Variants in GRXCR1 observed in about 807,000 individuals in gnomAD.
The protein encoded by GRXCR1 is glutaredoxin domain-containing cysteine-rich protein 1.
In GRXCR1, 27 loss-of-function variants were observed where a neutral mutation model predicts 27.3. The ratio of observed to expected loss-of-function variants is 0.99; its 90% CI spans 0.73 to 1.37. GRXCR1 has a LOEUF of 1.37. Ranked by LOEUF, GRXCR1 falls within the 40% of genes most tolerant of loss-of-function variation. The pLI, the probability that GRXCR1 is intolerant of heterozygous loss-of-function variation, is 0.00. For missense variants in GRXCR1, 379 were observed against 354.4 expected, an observed-to-expected ratio of 1.07 and a Z score of -0.56; for synonymous variants, 122 against 131.1, an observed-to-expected ratio of 0.93 and a Z score of 0.47.
rs758244010 is a variant in GRXCR1 at position 43,004,458 on chromosome 4, A to G, written c.628-15896A>G. 3.3e-5 allele frequency among the ~76,000 whole-genome samples: 5 copies of G among 152,140 alleles called. No individual in the cohort carries two copies. In the South Asian group the frequency reaches 8.3e-4, roughly 25 times the overall value. On this transcript the variant is annotated intron_variant, in intron 2 of 3. Coordinates refer to ENST00000399770, the MANE Select transcript of GRXCR1 (RefSeq NM_001080476.3). ...AGGCCACCATCTTCCAGACCTCAAA[A>G]TGGTAGATCCACTGACAGCATGCAT...
chr4:42,908,882 T>A (rs1021605613), intron 1 of GRXCR1, among the ~76,000 whole-genome samples: 3 of 152,096 alleles, frequency 2.0e-5, no homozygotes, highest in Non-Finnish European at 4.4e-5. Context: ...CCTGTGGGAA[T>A]TGGCAGTGGT....
intron 1 of GRXCR1, among the ~76,000 whole-genome samples, chr4:42,905,002 G>T (rs1746553636): frequency 6.6e-6 from 1 of 152,068 alleles, no homozygotes; most frequent in Non-Finnish European, 1.5e-5. Flanking sequence ...TCCGTAAAAG[G>T]CATCTTGGTA....
Position 42,971,349 on chromosome 4 carries a change from T to C in GRXCR1, c.627+8215T>C, listed in dbSNP as rs1014549486. Among the ~76,000 whole-genome samples, 4 of 152,164 alleles carry C rather than the reference T, an allele frequency of 2.6e-5. No homozygotes were observed. The East Asian group carries it at 7.7e-4, about 29-fold the overall frequency. On this transcript the variant is annotated intron_variant, in intron 2 of 3. Coordinates refer to ENST00000399770, the MANE Select transcript of GRXCR1 (RefSeq NM_001080476.3). The stretch of plus-strand genomic sequence containing the variant: ...ATATATGTTTATAGCAATGCTCCAC[T>C]ACCAGTACCAATTTCCTGTATTAGT...
At chr4:42,965,778 C>G (rs1450059014) in intron 2 of GRXCR1, among the ~76,000 whole-genome samples, 1 of 151,930 alleles carries the variant, frequency 6.6e-6, no homozygotes. Context: ...ATGAGGTAGA[C>G]AGAGGCAGAA....
At chr4:42,961,570 T>C (rs1748130321) in intron 1 of GRXCR1, among the ~76,000 whole-genome samples, 1 of 152,018 alleles carries the variant, frequency 6.6e-6, no homozygotes, top group Admixed American at 6.6e-5. Flanking sequence ...TTCCCTAGTA[T>C]TTCTTTTACT....
chr4:42,973,427 G>C (rs1405254166), intron 2 of GRXCR1, among the ~76,000 whole-genome samples: 1 of 151,174 alleles, frequency 6.6e-6, no homozygotes, highest in African/African-American at 2.4e-5. Context: ...CACTTTCACA[G>C]CTCTAATCTT....
At chr4:42,982,814 GA>G (rs1171857508) in intron 2 of GRXCR1, among the ~76,000 whole-genome samples, 1 of 150,564 alleles carries the variant, frequency 6.6e-6, no homozygotes, top group Non-Finnish European at 1.5e-5. Flanking sequence ...CAGTGATGAT[GA>G]GCATTTTTTC....
intron 1 of GRXCR1, among the ~76,000 whole-genome samples, chr4:42,948,850 C>T (rs890974665): frequency 1.3e-5 from 2 of 152,108 alleles, no homozygotes; most frequent in Admixed American, 6.5e-5. Context: ...CTTTAGCAGC[C>T]GGCAAAGGCA....
intron 1 of GRXCR1, among the ~76,000 whole-genome samples, chr4:42,949,040 C>T (rs1319705896): frequency 2.6e-5 from 4 of 152,244 alleles, no homozygotes; most frequent in African/African-American, 4.8e-5. Flanking sequence ...AACCAATACA[C>T]TATTTTTAAT....
rs144483099 is a variant in GRXCR1 at position 43,015,126 on chromosome 4, A to G, written c.628-5228A>G. ...GTGTAAAGGCATAAAATCTCATGCA[A>G]GGACCTAGGATGTCCAGGAGAAGGA... On this transcript the variant is annotated intron_variant, in intron 2 of 3. Transcript: ENST00000399770. 3.1e-4 allele frequency among the ~76,000 whole-genome samples: 47 copies of G among 152,324 alleles called. No individual in the cohort carries two copies. In the East Asian group the frequency reaches 8.1e-3, roughly 26 times the overall value.
intron 1 of GRXCR1, among the ~76,000 whole-genome samples, chr4:42,921,866 C>T (rs935845809): frequency 6.6e-6 from 1 of 152,130 alleles, no homozygotes; most frequent in East Asian, 1.9e-4. Context: ...CTGGAACATG[C>T]TGCCCACCTT....
chr4:43,016,279 G>A (rs1475077858), intron 2 of GRXCR1, among the ~76,000 whole-genome samples: 1 of 152,120 alleles, frequency 6.6e-6, no homozygotes, highest in South Asian at 2.1e-4. Flanking sequence ...CTTGAATGGA[G>A]GGAAATGGTG....
At chr4:42,927,498 T>C (rs1747187446) in intron 1 of GRXCR1, among the ~76,000 whole-genome samples, 1 of 151,970 alleles carries the variant, frequency 6.6e-6, no homozygotes, top group Non-Finnish European at 1.5e-5. Context: ...TACGAAATGT[T>C]TAAAATGCTA....
At chr4:42,915,394 T>G (rs1746862700) in intron 1 of GRXCR1, among the ~76,000 whole-genome samples, 1 of 152,224 alleles carries the variant, frequency 6.6e-6, no homozygotes, top group Non-Finnish European at 1.5e-5. Flanking sequence ...CTCATTTTCT[T>G]CACAGATTTG....
rs1019361655 is a variant in GRXCR1, at chr4:42,917,972, A to T, written c.384+24322A>T. ...TCTGTGTATAAAGTGGTTTGGAATC[A>T]GTTTCATATGAAACTGATTATATAT... On this transcript the variant is annotated intron_variant, in intron 1 of 3. Coordinates refer to ENST00000399770, the MANE Select transcript of GRXCR1 (RefSeq NM_001080476.3). Among the ~76,000 whole-genome samples the T allele has an allele frequency of 2.0e-5, 3 of 152,296 alleles. No individual in the cohort carries two copies. In the East Asian group the frequency reaches 5.8e-4, roughly 29 times the overall value.
chr4:43,017,712 T>C (rs951956915), intron 2 of GRXCR1, among the ~76,000 whole-genome samples: 1 of 152,142 alleles, frequency 6.6e-6, no homozygotes, highest in Non-Finnish European at 1.5e-5. Flanking sequence ...TAGCATAGAA[T>C]TGAATGGTGG....
At chr4:43,001,746 C>T (rs1436303809) in intron 2 of GRXCR1, among the ~76,000 whole-genome samples, 1 of 152,124 alleles carries the variant, frequency 6.6e-6, no homozygotes, top group East Asian at 1.9e-4. Flanking sequence ...AACAGTGGGT[C>T]CAGGGGACCG....
Position 43,030,591 on chromosome 4 carries a change from T to G in GRXCR1, c.*51T>G. ...TCATTTTATTAATCAAAGGCAATAC[T>G]TTGGTTTATATATATATTTTTAAAT... On this transcript the variant is annotated 3_prime_UTR_variant, in exon 4 of 4. Transcript: ENST00000399770. 7.2e-7 allele frequency: 1 copy of G among 1,395,040 alleles called. No homozygotes were observed. The highest frequency in any genetic ancestry group is 1.2e-5 in the South Asian group (1 of 86,278). The allele number at this position is 1,395,040 out of a possible 1,614,324, so 86.4% of individuals were successfully genotyped here. A position where few individuals can be genotyped will look rare whatever the true frequency, so the allele number is the denominator to read the frequency against.
chr4:43,008,281 G>A (rs1354988526), intron 2 of GRXCR1, among the ~76,000 whole-genome samples: 1 of 152,122 alleles, frequency 6.6e-6, no homozygotes, highest in Non-Finnish European at 1.5e-5. Flanking sequence ...TTCTAAACAA[G>A]AGGACGGTAT....
Sources: allele counts gnomAD v4.1 joint callset (sites outside exome capture counted in the v4.1 genomes callset), GRCh38; gene constraint gnomAD v4.1.1; transcripts MANE v1.5; gene names NCBI Gene and HGNC (gene_info 2026-07-23, HGNC 2026-07-21).